Variants in ACTN4 observed in about 807,000 individuals in gnomAD.
ACTN4 encodes actinin alpha 4.
ACTN4 carries 18 observed loss-of-function variants against 114.2 expected under a neutral mutation model. The ratio of observed to expected loss-of-function variants is 0.16; its 90% CI spans 0.11 to 0.23. ACTN4 has a LOEUF of 0.23. Ranked by LOEUF, ACTN4 falls within the 10% of genes least tolerant of loss-of-function variation. ACTN4 has a pLI of 1.00. For synonymous variants in ACTN4, 515 were observed against 506.3 expected (o/e 1.02, Z -0.23); for missense variants, 722 against 1,262.9 (o/e 0.57, Z 6.49).
In ACTN4 at chr19:38,723,730, G is replaced by A. The variant is rs1034229443; in HGVS notation, c.1551+8G>A. 6.3e-7 allele frequency: 1 copy of A among 1,598,114 alleles called. No homozygotes were observed. Among genetic ancestry groups the A allele is most frequent in the African/African-American group, 1.3e-5 (1 of 74,620 alleles). ...CGCAGGGAAGCCCTGGAGGTGAGGAGGGGGTGACATCACCCACGGAGCTCT... is the reference window on the plus strand; with the variant it reads ...CGCAGGGAAGCCCTGGAGGTGAGGAAGGGGTGACATCACCCACGGAGCTCT... On this transcript the variant is annotated splice_region_variant and intron_variant, in intron 13 of 20. Transcript: ENST00000252699.
rs1967458907 is a variant in ACTN4 at position 38,678,789 on chromosome 19, G to GC, written c.163-21807dup. Among the ~76,000 whole-genome samples the GC allele has an allele frequency of 2.6e-5, 4 of 152,174 alleles. No homozygotes were observed. In the South Asian group the frequency reaches 8.3e-4, roughly 31 times the overall value. On this transcript the variant is annotated intron_variant, in intron 1 of 20. Transcript: ENST00000252699. ...CCACTGTGTGTTACCCCAAGTCCTT[G>GC]CCCCTGGGACCTCGCTCTGTTCGGA...
At chr19:38,728,836 C>T (rs908826009) in intron 19 of ACTN4, among the ~76,000 whole-genome samples, 160 bp from the exon 20 acceptor site, 8 of 152,136 alleles carry the variant, frequency 5.3e-5, no homozygotes, top group East Asian at 1.9e-4. Context: ...AGGCTCTGCC[C>T]GGGGCCAAGG....
At chr19:38,704,590 T>A (rs1310117921) in intron 3 of ACTN4, among the ~76,000 whole-genome samples, 1 of 151,726 alleles carries the variant, frequency 6.6e-6, no homozygotes, top group Non-Finnish European at 1.5e-5. Context: ...GCACTGAGAG[T>A]TGAGAGAGGT....
Position 38,706,039 on chromosome 19 carries a change from T to C in ACTN4, c.485-5T>C. On this transcript the variant is annotated splice_region_variant and splice_polypyrimidine_tract_variant and intron_variant, in intron 4 of 20. Coordinates refer to ENST00000252699, the MANE Select transcript of ACTN4 (RefSeq NM_004924.6). ...CAGTGCTCACTGTCTTTGTGTGTTT[T>C]GCAGAGACCTCGGCCAAGGAAGGGC... 6.2e-7 allele frequency: 1 copy of C among 1,614,074 alleles called. No individual in the cohort carries two copies. The highest frequency in any genetic ancestry group is 8.5e-7 in the Non-Finnish European group (1 of 1,179,922).
chr19:38,723,825 G>A (rs922160075), intron 13 of ACTN4, 103 bp downstream of exon 13: 41 of 1,464,468 alleles, frequency 2.8e-5, no homozygotes, highest in African/African-American at 8.4e-5. Flanking sequence ...CACCTCCCAC[G>A]GAGAGGATGT....
At chr19:38,654,460 G>C (rs1599757737) in intron 1 of ACTN4, among the ~76,000 whole-genome samples, 1 of 151,788 alleles carries the variant, frequency 6.6e-6, no homozygotes, top group Admixed American at 6.6e-5. Flanking sequence ...TACTGGGGAG[G>C]CTGAGGCAGG....
Position 38,727,130 on chromosome 19 carries a change from T to G in ACTN4, c.2337+27T>G. The G allele has an allele frequency of 6.2e-7, 1 of 1,612,956 alleles. No homozygotes were observed. Among genetic ancestry groups the G allele is most frequent in the Non-Finnish European group, 8.5e-7 (1 of 1,179,830 alleles). On this transcript the variant is annotated intron_variant, in intron 18 of 20. Coordinates refer to ENST00000252699, the MANE Select transcript of ACTN4 (RefSeq NM_004924.6). This position sits in a 1 kb window ranked among gnomAD's most constrained non-coding sequence, Gnocchi z 5.4. ...TGAGCAGCCTGCCACCTCCTCGGCC[T>G]CTCCCCTCCCGCCGTTGCCGTACCA...
rs1372114559 is a variant in ACTN4, at chr19:38,673,497, TTA to T, written c.162+25598_162+25599del. ...TATTTATATATATATTCATATATAT[TTA>T]TATATATGAATATATATTTATATAT... On this transcript the variant is annotated intron_variant, in intron 1 of 20. Transcript: ENST00000252699. 3.1e-4 allele frequency among the ~76,000 whole-genome samples: 21 copies of T among 67,708 alleles called. 2 individuals carry two copies. Among genetic ancestry groups the T allele is most frequent in the East Asian group, 2.3e-3 (5 of 2,146 alleles). The allele number at this position is 67,708 out of a possible 152,430, so 44.4% of individuals were successfully genotyped here. A position where few individuals can be genotyped will look rare whatever the true frequency, so the allele number is the denominator to read the frequency against.
At position 38,727,636 on chromosome 19, in the gene ACTN4, C is replaced by G. The variant is rs539160821; in HGVS notation, c.2338-310C>G. On this transcript the variant is annotated intron_variant, in intron 18 of 20. Coordinates refer to ENST00000252699, the MANE Select transcript of ACTN4 (RefSeq NM_004924.6). This position sits in a 1 kb window ranked among gnomAD's most constrained non-coding sequence, Gnocchi z 5.4. Reference sequence around the variant, plus strand: ...CCCAAAGGCAAGGAGAACCCCCCCCCCGACCCTCCACCAGTCCTGGGACTT... The same window carrying G: ...CCCAAAGGCAAGGAGAACCCCCCCCGCGACCCTCCACCAGTCCTGGGACTT... Among the ~76,000 whole-genome samples the G allele has an allele frequency of 5.0e-5, 7 of 141,378 alleles. No individual in the cohort carries two copies. The South Asian group carries it at 8.4e-4, about 17-fold the overall frequency. The allele number at this position is 141,378 out of a possible 152,430, so 92.7% of individuals were successfully genotyped here.
In ACTN4 at chr19:38,714,470, C is replaced by T. The variant is rs1285757011; in HGVS notation, c.821C>T (p.Ala274Val). 6.2e-7 allele frequency: 1 copy of T among 1,613,518 alleles called. No individual in the cohort carries two copies. Among genetic ancestry groups the T allele is most frequent in the Non-Finnish European group, 8.5e-7 (1 of 1,180,006 alleles). The stretch of plus-strand genomic sequence containing the variant: ...CCCTGACTGTGTGCTCCCCTCCAGG[C>T]TGAAACTGCCGCCAACCGGATCTGT... ...FYHAFSGAQK[A>V]ETAANRICKV... The change falls in exon 9 of 21, where the codon GCT becomes GTT. Residue 274 changes from alanine to valine, a missense_variant and splice_region_variant. Ala to Val is a moderately conservative substitution (Grantham distance 64). Around this residue, in one of 3 missense-constraint regions of ACTN4, gnomAD observed 127 missense variants for 311.3 expected, o/e 0.41. Transcript: ENST00000252699.
rs1969374791 is a variant in ACTN4 at position 38,729,074 on chromosome 19, G to A, written c.2497G>A (p.Asp833Asn). The A allele has an allele frequency of 6.2e-7, 1 of 1,613,418 alleles. No individual in the cohort carries two copies. Among genetic ancestry groups the A allele is most frequent in the Non-Finnish European group, 8.5e-7 (1 of 1,179,998 alleles). ...SGLVTFQAFI[D>N]FMSRETTDTD... Reference sequence around the variant, plus strand: ...CCTTGTGACCTTCCAAGCCTTCATCGACTTCATGTCGCGGGAGACCACCGA... The same window carrying A: ...CCTTGTGACCTTCCAAGCCTTCATCAACTTCATGTCGCGGGAGACCACCGA... The change falls in exon 20 of 21, where the codon GAC becomes AAC. Residue 833 changes from aspartate (D) to asparagine (N), a missense_variant. Coordinates refer to ENST00000252699, the MANE Select transcript of ACTN4 (RefSeq NM_004924.6).
rs1037465322 is a variant in ACTN4 at position 38,729,420 on chromosome 19, G to A, written c.2724G>A (p.Glu908=). 2 of 1,612,706 alleles carry A rather than the reference G, an allele frequency of 1.2e-6. No homozygotes were observed. Among genetic ancestry groups the A allele is most frequent in the African/African-American group, 2.7e-5 (2 of 74,924 alleles). The change falls in exon 21 of 21, where the codon GAG becomes GAA. Residue 908 remains glutamate, a synonymous_variant. Coordinates refer to ENST00000252699, the MANE Select transcript of ACTN4 (RefSeq NM_004924.6). ...CCTTCTCCACGGCCTTGTATGGCGA[G>A]AGCGACCTGTGAGGCCCCAGAGACC... is the stretch of plus-strand genomic sequence containing the variant. ...YKSFSTALYG[E]SDL
intron 9 of ACTN4, among the ~76,000 whole-genome samples, chr19:38,716,561 T>C (rs1283228983): frequency 6.6e-6 from 1 of 152,228 alleles, no homozygotes; most frequent in Non-Finnish European, 1.5e-5. Context: ...GGGCCAGGCA[T>C]GGTGGCTCAC....
At chr19:38,716,258 G>T (rs760766136) in intron 9 of ACTN4, among the ~76,000 whole-genome samples, 1 of 152,196 alleles carries the variant, frequency 6.6e-6, no homozygotes. Context: ...CTCCATTAAA[G>T]ATCTGAGTAG....
At chr19:38,699,642 C>T (rs902616137) in intron 1 of ACTN4, among the ~76,000 whole-genome samples, 2 of 151,934 alleles carry the variant, frequency 1.3e-5, no homozygotes, top group Non-Finnish European at 2.9e-5. Context: ...GTAGTCCCAG[C>T]TACTCAGGAG....
chr19:38,706,027 C>T lies in ACTN4; in HGVS notation c.485-17C>T. The T allele has an allele frequency of 1.2e-6, 2 of 1,613,656 alleles. No individual in the cohort carries two copies. Among genetic ancestry groups the T allele is most frequent in the Non-Finnish European group, 1.7e-6 (2 of 1,179,588 alleles). On this transcript the variant is annotated splice_polypyrimidine_tract_variant and intron_variant, in intron 4 of 20. Coordinates refer to ENST00000252699, the MANE Select transcript of ACTN4 (RefSeq NM_004924.6). ...TTATTTTTGAGCCAGTGCTCACTGT[C>T]TTTGTGTGTTTTGCAGAGACCTCGG...
intron 1 of ACTN4, among the ~76,000 whole-genome samples, chr19:38,659,060 C>CTTTTT (rs1271131570): frequency 3.1e-4 from 19 of 62,194 alleles, no homozygotes; most frequent in South Asian, 8.4e-4. Context: ...TTCTTCTTTT[C>CTTTTT]TTTTCTTTTT....
chr19:38,662,899 A>C (rs1293133694), intron 1 of ACTN4, among the ~76,000 whole-genome samples: 1 of 150,368 alleles, frequency 6.7e-6, no homozygotes, highest in Non-Finnish European at 1.5e-5. Flanking sequence ...CTGCTGAGCA[A>C]AGTGGGTCTG....
At position 38,723,610 on chromosome 19, in the gene ACTN4, G is replaced by T. The variant is rs191532828; in HGVS notation, c.1443-4G>T. The T allele has an allele frequency of 2.5e-6, 4 of 1,606,136 alleles. No individual in the cohort carries two copies. The highest frequency in any genetic ancestry group is 3.4e-6 in the Non-Finnish European group (4 of 1,175,448). On this transcript the variant is annotated splice_region_variant and splice_polypyrimidine_tract_variant and intron_variant, in intron 12 of 20. Coordinates refer to ENST00000252699, the MANE Select transcript of ACTN4 (RefSeq NM_004924.6). ...AGTCTCATTGCTCTCTGCCCGGCCC[G>T]CAGCGAGCTGGATTACTACGACTCC...
Sources: gnomAD v4.1 joint callset for allele counts (sites outside exome capture counted in the v4.1 genomes callset) on GRCh38, gnomAD v4.1.1 for gene constraint, gnomAD v4.1.1 regional missense constraint, Gnocchi (gnomAD v3.1) non-coding constraint, MANE v1.5 for transcripts, NCBI Gene and HGNC (gene_info 2026-07-23, HGNC 2026-07-21) for gene names.